Variants in FOXP1 observed in about 807,000 individuals in gnomAD.
The protein encoded by FOXP1 is forkhead box P1, also known as forkhead box protein P1.
A neutral mutation model predicts 98.2 loss-of-function variants in FOXP1; 15 were observed. The ratio of observed to expected loss-of-function variants is 0.15; its 90% CI spans 0.10 to 0.24. The LOEUF (loss-of-function observed/expected upper bound fraction) is 0.24. FOXP1 is among the 10% of genes least tolerant of loss of function. The probability of loss-of-function intolerance (pLI) is 1.00; values close to 1 mark genes in which losing one functional copy is unlikely to be tolerated. For missense variants in FOXP1, 633 were observed against 848.5 expected, an observed-to-expected ratio of 0.75 and a Z score of 3.15; for synonymous variants, 371 against 314.5, an observed-to-expected ratio of 1.18 and a Z score of -1.90.
chr3:71,568,155 C>T (rs973499545), intron 2 of FOXP1, among the ~76,000 whole-genome samples: 3 of 152,004 alleles, frequency 2.0e-5, no homozygotes, highest in East Asian at 3.9e-4. Flanking sequence ...ATTCGCCTCC[C>T]TCATGGGACC....
At chr3:71,071,684 C>T (rs2053252840) in intron 7 of FOXP1, among the ~76,000 whole-genome samples, 1 of 152,182 alleles carries the variant, frequency 6.6e-6, no homozygotes, top group Non-Finnish European at 1.5e-5. Context: ...AGCGATTATC[C>T]TGCCTCAGCC....
Position 70,955,434 on chromosome 3 carries a change from A to G in FOXP1, c.*3813T>C, listed in dbSNP as rs977864498. On this transcript the variant is annotated 3_prime_UTR_variant, in exon 21 of 21. Coordinates refer to ENST00000649528, the MANE Select transcript of FOXP1 (RefSeq NM_001349338.3). ...CAGCCTAACTCATCTTACAAGACGG[A>G]CTCTAGGGACAGGTAGGTTGGATCC... 6 of 232,386 alleles carry G rather than the reference A, an allele frequency of 2.6e-5. No individual in the cohort carries two copies. The highest frequency in any genetic ancestry group is 1.3e-4 in the African/African-American group (6 of 45,144). The allele number at this position is 232,386 out of a possible 1,614,324, so 14.4% of individuals were successfully genotyped here.
intron 2 of FOXP1, among the ~76,000 whole-genome samples, chr3:71,518,668 AG>A (rs2042753162): frequency 1.3e-5 from 2 of 152,228 alleles, no homozygotes; most frequent in Non-Finnish European, 2.9e-5. Flanking sequence ...GTAAGAACAA[AG>A]GGTGTCTGAA....
chr3:71,016,199 C>T (rs979338138), intron 11 of FOXP1, among the ~76,000 whole-genome samples: 6 of 151,672 alleles, frequency 4.0e-5, no homozygotes, highest in African/African-American at 1.2e-4. Context: ...GCAGATGATT[C>T]GTGTTTTTTT....
At position 71,471,324 on chromosome 3, in the gene FOXP1, A is replaced by G. The variant is rs371501665; in HGVS notation, c.-168+22102T>C. Among the ~76,000 whole-genome samples the G allele has an allele frequency of 3.4e-4, 51 of 151,908 alleles. No homozygotes were observed. In the East Asian group the frequency reaches 6.4e-3, roughly 19 times the overall value. On this transcript the variant is annotated intron_variant, in intron 3 of 20. Coordinates refer to ENST00000649528, the MANE Select transcript of FOXP1 (RefSeq NM_001349338.3). ...TTATAGTAAACATACACCAAAAATT[A>G]ATTATATGTATATAATTATAAACTT...
rs138579803 is a variant in FOXP1, at chr3:71,332,009, A to G, written c.-73+27141T>C. ...GACCAACTGGCTCTTTGTAAAATGG[A>G]CCAATCAGCAGGATGTGGGTGGGGC... is the stretch of plus-strand genomic sequence containing the variant. On this transcript the variant is annotated intron_variant, in intron 4 of 20. Transcript: ENST00000649528. Among the ~76,000 whole-genome samples, 1,122 of 152,306 alleles carry G rather than the reference A, an allele frequency of 7.4e-3. 29 individuals carry two copies. The highest frequency in any genetic ancestry group is 4.7e-3 in the Non-Finnish European group (321 of 68,026).
In FOXP1 at chr3:70,957,724, C is replaced by T. The variant is rs886058843; in HGVS notation, c.*1523G>A. ...TTTGGGACCCCCCCAAAGCCCAGGG[C>T]CTACATGATATCTTCTATGAGTTTT... On this transcript the variant is annotated 3_prime_UTR_variant, in exon 21 of 21. Coordinates refer to ENST00000649528, the MANE Select transcript of FOXP1 (RefSeq NM_001349338.3). 4.3e-6 allele frequency: 1 copy of T among 233,542 alleles called. No homozygotes were observed. The allele number at this position is 233,542 out of a possible 1,614,324, so 14.5% of individuals were successfully genotyped here. A position where few individuals can be genotyped will look rare whatever the true frequency, so the allele number is the denominator to read the frequency against.
intron 7 of FOXP1, among the ~76,000 whole-genome samples, chr3:71,082,790 C>T (rs9809893): frequency 0.042 from 6,409 of 152,166 alleles, 462 homozygotes; most frequent in African/African-American, 0.15. Context: ...ATTTATACTG[C>T]GCTCCCAATC....
intron 5 of FOXP1, among the ~76,000 whole-genome samples, chr3:71,291,662 T>C (rs1310516427): frequency 6.6e-6 from 1 of 152,056 alleles, no homozygotes; most frequent in East Asian, 1.9e-4. Flanking sequence ...CCTTACCACA[T>C]GTGACATATT....
intron 6 of FOXP1, among the ~76,000 whole-genome samples, chr3:71,162,466 A>T (rs1197773417): frequency 1.3e-5 from 2 of 152,244 alleles, no homozygotes; most frequent in Non-Finnish European, 2.9e-5. Context: ...CAGTACCATT[A>T]AGACATCCAA....
At chr3:71,032,391 C>T (rs373822188) in intron 11 of FOXP1, among the ~76,000 whole-genome samples, 10 of 152,314 alleles carry the variant, frequency 6.6e-5, no homozygotes, top group Admixed American at 2.6e-4. Context: ...GCTCAATTCC[C>T]GAAATAGTTT....
chr3:71,279,434 G>A (rs2071277451), intron 5 of FOXP1, among the ~76,000 whole-genome samples: 1 of 152,110 alleles, frequency 6.6e-6, no homozygotes, highest in South Asian at 2.1e-4. Flanking sequence ...GGCAGGGGTG[G>A]TGAGTGGGGA....
At chr3:70,977,597 A>C (rs767213124) in intron 16 of FOXP1, 46 bp downstream of exon 16, 7 of 1,428,326 alleles carry the variant, frequency 4.9e-6, no homozygotes, top group Non-Finnish European at 9.9e-7. Context: ...ATCCATGTAC[A>C]CATATACCTT....
In FOXP1 at chr3:71,085,310, T is replaced by C. The variant is rs141890619; in HGVS notation, c.282+27226A>G. On this transcript the variant is annotated intron_variant, in intron 7 of 20. Coordinates refer to ENST00000649528, the MANE Select transcript of FOXP1 (RefSeq NM_001349338.3). ...GGTGCATAACACCACATTCAGCTAA[T>C]TTAAAAAAAAATTTTTTTTTGTAGA... Among the ~76,000 whole-genome samples the C allele has an allele frequency of 6.1e-3, 923 of 152,110 alleles. 6 individuals carry two copies. Among genetic ancestry groups the C allele is most frequent in the African/African-American group, 0.022 (899 of 41,482 alleles).
intron 3 of FOXP1, among the ~76,000 whole-genome samples, chr3:71,404,029 G>C (rs1017549121): frequency 6.6e-6 from 1 of 151,454 alleles, no homozygotes; most frequent in African/African-American, 2.4e-5. Context: ...AAACAAAGAA[G>C]AGATATGGCG....
At chr3:70,992,718 A>T (rs946819743) in intron 13 of FOXP1, among the ~76,000 whole-genome samples, 1 of 152,214 alleles carries the variant, frequency 6.6e-6, no homozygotes, top group African/African-American at 2.4e-5. Context: ...TTTAAAGCAG[A>T]CGCACACTAA....
intron 6 of FOXP1, among the ~76,000 whole-genome samples, chr3:71,122,343 A>G (rs1370079055): frequency 6.6e-6 from 1 of 152,220 alleles, no homozygotes; most frequent in Non-Finnish European, 1.5e-5. Context: ...AAAGAAAGAA[A>G]CAGAAATGGG....
intron 4 of FOXP1, among the ~76,000 whole-genome samples, chr3:71,305,187 G>T (rs1252559894): frequency 6.6e-6 from 1 of 152,038 alleles, no homozygotes; most frequent in Non-Finnish European, 1.5e-5. Context: ...GACAGTACGG[G>T]AACAAAAAAT....
At chr3:71,039,046 A>G (rs982708319) in intron 11 of FOXP1, among the ~76,000 whole-genome samples, 1 of 152,110 alleles carries the variant, frequency 6.6e-6, no homozygotes, top group Non-Finnish European at 1.5e-5. Context: ...CTTGATGGCT[A>G]CATTCAGTTA....
Sources: gnomAD v4.1 joint callset for allele counts (sites outside exome capture counted in the v4.1 genomes callset) on GRCh38, gnomAD v4.1.1 for gene constraint, MANE v1.5 for transcripts, NCBI Gene and HGNC (gene_info 2026-07-23, HGNC 2026-07-21) for gene names.